SNCAIP: variants seen among roughly 807,000 people sequenced by gnomAD.
The protein encoded by SNCAIP is synphilin-1.
A neutral mutation model predicts 86.7 loss-of-function variants in SNCAIP; 43 were observed. The ratio of observed to expected loss-of-function variants is 0.50; its 90% CI spans 0.39 to 0.64. The LOEUF (loss-of-function observed/expected upper bound fraction) is 0.64. Among genes scored for constraint, SNCAIP ranks in the 30% least tolerant of loss-of-function variants. The probability of loss-of-function intolerance (pLI) is 0.00; values close to 1 mark genes in which losing one functional copy is unlikely to be tolerated. For synonymous variants in SNCAIP, 417 were observed against 427.2 expected (o/e 0.98, Z 0.29); for missense variants, 981 against 1,103.1 (o/e 0.89, Z 1.57).
intron 2 of SNCAIP, among the ~76,000 whole-genome samples, chr5:122,395,420 A>G (rs750806144): frequency 6.6e-6 from 1 of 152,212 alleles, no homozygotes; most frequent in African/African-American, 2.4e-5. Context: ...GCAATTGCAT[A>G]AACTATTTTT....
At chr5:122,330,113 A>ATTTTTTTTTTTTTTTTTTT (rs1387266417) in intron 1 of SNCAIP, among the ~76,000 whole-genome samples, 43 of 120,306 alleles carry the variant, frequency 3.6e-4, no homozygotes, top group Non-Finnish European at 4.6e-4. Flanking sequence ...GTACAACTTC[A>ATTTTTTTTTTTTTTTTTTT]TTTCTTTTTT....
chr5:122,417,218 G>T (rs1051228381), intron 3 of SNCAIP, among the ~76,000 whole-genome samples: 8 of 152,126 alleles, frequency 5.3e-5, no homozygotes, highest in African/African-American at 1.7e-4. Context: ...TCAGTCTTAG[G>T]AGCCAAAGAG....
At chr5:122,447,179 A>C (rs866775765) in intron 8 of SNCAIP, among the ~76,000 whole-genome samples, 1 of 152,232 alleles carries the variant, frequency 6.6e-6, no homozygotes, top group South Asian at 2.1e-4. Context: ...GCAAACCATC[A>C]GAAGCTAGGA....
At chr5:122,392,399 A>ACTCT (rs142215304) in intron 2 of SNCAIP, among the ~76,000 whole-genome samples, 2 of 145,048 alleles carry the variant, frequency 1.4e-5, no homozygotes, top group Non-Finnish European at 3.1e-5. Context: ...TCTGTCTGCC[A>ACTCT]CTCTCTCTCT....
At chr5:122,324,658 A>G (rs983587059) in intron 1 of SNCAIP, among the ~76,000 whole-genome samples, 3 of 152,218 alleles carry the variant, frequency 2.0e-5, no homozygotes, top group Non-Finnish European at 4.4e-5. Context: ...CACTCAGAAC[A>G]TCCATCTGAG....
In SNCAIP at chr5:122,418,128, A is replaced by G. The variant is rs1005030654; in HGVS notation, c.131-4740A>G. Among the ~76,000 whole-genome samples the G allele has an allele frequency of 2.6e-5, 4 of 152,324 alleles. No homozygotes were observed. The East Asian group carries it at 5.8e-4, about 22-fold the overall frequency. Reference sequence around the variant, plus strand: ...GAATAAGCTTAAATGCAGGGAGAGTATGGTATATCCAGAAAGGATGAATTT... The same window carrying G: ...GAATAAGCTTAAATGCAGGGAGAGTGTGGTATATCCAGAAAGGATGAATTT... On this transcript the variant is annotated intron_variant, in intron 3 of 10. Coordinates refer to ENST00000261368, the MANE Select transcript of SNCAIP (RefSeq NM_005460.4).
At chr5:122,456,246 G>A (rs1784722888) in intron 10 of SNCAIP, among the ~76,000 whole-genome samples, 1 of 152,152 alleles carries the variant, frequency 6.6e-6, no homozygotes, top group African/African-American at 2.4e-5. Context: ...TTACTGCCAA[G>A]GTATTAGCCA....
chr5:122,368,011 A>G (rs965545570), intron 1 of SNCAIP, among the ~76,000 whole-genome samples: 1 of 152,168 alleles, frequency 6.6e-6, no homozygotes, highest in Admixed American at 6.5e-5. Context: ...AACCTTTCAT[A>G]ATTCATACAT....
At chr5:122,432,207 AATG>A (rs1581212169) in intron 6 of SNCAIP, 125 bp downstream of exon 6, 1 of 664,750 alleles carries the variant, frequency 1.5e-6, no homozygotes, top group East Asian at 2.7e-5. Context: ...GTATATAACC[AATG>A]ATATTTGTTG....
chr5:122,354,735 G>A (rs1424929086), intron 1 of SNCAIP, among the ~76,000 whole-genome samples: 1 of 152,110 alleles, frequency 6.6e-6, no homozygotes, highest in Non-Finnish European at 1.5e-5. Flanking sequence ...ATCAAAAGCA[G>A]TAAATGAAAC....
intron 1 of SNCAIP, 109 bp from the exon 2 acceptor site, chr5:122,390,980 C>T: frequency 3.0e-6 from 2 of 671,138 alleles, no homozygotes; most frequent in Admixed American, 2.1e-5. Context: ...CAAGGCAACA[C>T]TAGCACCCAA....
intron 8 of SNCAIP, among the ~76,000 whole-genome samples, chr5:122,448,698 A>ATGTT (rs1180097368): frequency 2.1e-4 from 25 of 119,454 alleles, no homozygotes; most frequent in African/African-American, 7.2e-4. Flanking sequence ...TATTATATAT[A>ATGTT]TTATATACAT....
intron 5 of SNCAIP, among the ~76,000 whole-genome samples, chr5:122,427,256 G>A (rs185017868): frequency 8.0e-4 from 122 of 152,172 alleles, no homozygotes; most frequent in African/African-American, 2.7e-3. Context: ...TGGTTGTTAC[G>A]CCAATCTTCA....
rs796706387 is a variant in SNCAIP, at chr5:122,404,514, T to C, written c.130+649T>C. ...TCAAATTAAGCTTCTCTTCTTTTCC[T>C]TCTATGATGGGCAAAAATGAAAATA... On this transcript the variant is annotated intron_variant, in intron 3 of 10. Coordinates refer to ENST00000261368, the MANE Select transcript of SNCAIP (RefSeq NM_005460.4). 6.6e-4 allele frequency among the ~76,000 whole-genome samples: 100 copies of C among 152,312 alleles called. 1 individual carries two copies. The highest frequency in any genetic ancestry group is 2.3e-3 in the African/African-American group (96 of 41,578).
chr5:122,452,337 A>T (rs1402136661), intron 10 of SNCAIP, among the ~76,000 whole-genome samples: 3 of 152,232 alleles, frequency 2.0e-5, no homozygotes, highest in African/African-American at 7.2e-5. Context: ...TGTGCTTGCC[A>T]TGCCATTAAA....
chr5:122,387,636 C>T (rs904411383), intron 1 of SNCAIP, among the ~76,000 whole-genome samples: 1 of 152,196 alleles, frequency 6.6e-6, no homozygotes, highest in African/African-American at 2.4e-5. Context: ...ACGGCTTCCT[C>T]CCTTCCCCTG....
At chr5:122,461,648 C>T in intron 10 of SNCAIP, among the ~76,000 whole-genome samples, 1 of 146,298 alleles carries the variant, frequency 6.8e-6, no homozygotes, top group African/African-American at 2.5e-5. Context: ...CTGGTCTTCT[C>T]TTTGTTCCTT....
chr5:122,323,613 T>C (rs941671102), intron 1 of SNCAIP, among the ~76,000 whole-genome samples: 1 of 152,228 alleles, frequency 6.6e-6, no homozygotes, highest in Admixed American at 6.5e-5. Flanking sequence ...CTAGAACTCC[T>C]GGATAAAATA....
At position 122,432,088 on chromosome 5, in the gene SNCAIP, A is replaced by G. The variant is rs767214777; in HGVS notation, c.1296+6A>G. 7.6e-5 allele frequency: 100 copies of G among 1,311,756 alleles called. 1 individual carries two copies. The highest frequency in any genetic ancestry group is 1.8e-5 in the Non-Finnish European group (16 of 904,630). The allele number at this position is 1,311,756 out of a possible 1,614,324, so 81.3% of individuals were successfully genotyped here. ...ACGCAGGTTGCTATGGCCAGGTATG[A>G]AGGAGTTTTTTAAGTATCTTCCCTT... On this transcript the variant is annotated splice_donor_region_variant and intron_variant, in intron 6 of 10. Coordinates refer to ENST00000261368, the MANE Select transcript of SNCAIP (RefSeq NM_005460.4).
Sources: gnomAD v4.1 joint callset for allele counts (sites outside exome capture counted in the v4.1 genomes callset) on GRCh38, gnomAD v4.1.1 for gene constraint, MANE v1.5 for transcripts, NCBI Gene and HGNC (gene_info 2026-07-23, HGNC 2026-07-21) for gene names.